STX6: variants seen among roughly 807,000 people sequenced by gnomAD.
The protein encoded by STX6 is syntaxin-6.
STX6 carries 23 observed loss-of-function variants against 38.0 expected under a neutral mutation model. That is an observed-to-expected ratio of 0.60 (90% CI 0.43 to 0.86). STX6 has a LOEUF of 0.86. STX6 is among the 40% of genes least tolerant of loss of function. The pLI is 0.00. For missense variants in STX6, 274 were observed against 312.9 expected, an observed-to-expected ratio of 0.88 and a Z score of 0.94; for synonymous variants, 123 against 107.5, an observed-to-expected ratio of 1.14 and a Z score of -0.89.
chr1:180,988,349 G>T lies in STX6; in HGVS notation c.490-4C>A. 2 of 1,611,466 alleles carry T rather than the reference G, an allele frequency of 1.2e-6. No homozygotes were observed. The highest frequency in any genetic ancestry group is 1.1e-5 in the South Asian group (1 of 91,034). On this transcript the variant is annotated splice_region_variant and splice_polypyrimidine_tract_variant and intron_variant, in intron 5 of 7. Coordinates refer to ENST00000258301, the MANE Select transcript of STX6 (RefSeq NM_005819.6). ...CATCCTGCTGTTCCACGATCAACTGGTGCCAGAGAAATGGGAAATAAGCAA... is the reference window on the plus strand; with the variant it reads ...CATCCTGCTGTTCCACGATCAACTGTTGCCAGAGAAATGGGAAATAAGCAA...
intron 1 of STX6, among the ~76,000 whole-genome samples, chr1:181,022,116 C>T (rs991197268): frequency 2.6e-5 from 4 of 151,982 alleles, no homozygotes; most frequent in African/African-American, 7.3e-5. Context: ...GCCTCCCTCC[C>T]AGCAAACGTG....
chr1:181,009,868 T>C (rs1656343258), intron 1 of STX6, among the ~76,000 whole-genome samples: 1 of 151,208 alleles, frequency 6.6e-6, no homozygotes. Flanking sequence ...GTAGTATATA[T>C]GTATAACAGA....
intron 5 of STX6, chr1:180,988,869 A>C (rs923863249): frequency 1.3e-5 from 2 of 152,448 alleles, no homozygotes; most frequent in African/African-American, 4.8e-5. Flanking sequence ...ACTGACTGAC[A>C]AATATTTACT....
chr1:181,008,370 T>C (rs988843693), intron 1 of STX6, among the ~76,000 whole-genome samples: 3 of 152,216 alleles, frequency 2.0e-5, no homozygotes, highest in Non-Finnish European at 4.4e-5. Flanking sequence ...AATATTGGCA[T>C]TGTACTTACC....
chr1:181,001,640 C>G (rs150255033), intron 3 of STX6, among the ~76,000 whole-genome samples: 394 of 152,302 alleles, frequency 2.6e-3, no homozygotes, highest in Admixed American at 4.8e-3. Flanking sequence ...GCTATCCAAA[C>G]CCACTAAGAG....
intron 3 of STX6, among the ~76,000 whole-genome samples, chr1:180,995,937 G>A (rs964274192): frequency 2.6e-5 from 4 of 152,098 alleles, no homozygotes; most frequent in African/African-American, 9.7e-5. Flanking sequence ...ATGCTTCTGG[G>A]TGCTGTTGAC....
intron 6 of STX6, among the ~76,000 whole-genome samples, chr1:180,985,542 GAC>G (rs1655550315): frequency 6.6e-6 from 1 of 152,226 alleles, no homozygotes; most frequent in East Asian, 1.9e-4. Context: ...TGGGGTGTGT[GAC>G]AGTGTGTCTG....
rs972217926 is a variant in STX6 at position 180,976,204 on chromosome 1, G to C, written c.*366C>G. The C allele has an allele frequency of 4.0e-6, 1 of 247,750 alleles. No homozygotes were observed. Among genetic ancestry groups the C allele is most frequent in the African/African-American group, 2.2e-5 (1 of 45,650 alleles). The allele number at this position is 247,750 out of a possible 1,614,324, so 15.3% of individuals were successfully genotyped here. A position where few individuals can be genotyped will look rare whatever the true frequency, so the allele number is the denominator to read the frequency against. On this transcript the variant is annotated 3_prime_UTR_variant, in exon 8 of 8. Transcript: ENST00000258301. Reference sequence around the variant, plus strand: ...GGGGAAGGGTCTGAGCAGAAGAAAAGAGCTGCCAAAGATGCATGGAATGAG... The same window carrying C: ...GGGGAAGGGTCTGAGCAGAAGAAAACAGCTGCCAAAGATGCATGGAATGAG...
At chr1:180,985,778 T>C (rs774481523) in intron 6 of STX6, among the ~76,000 whole-genome samples, 10 of 152,264 alleles carry the variant, frequency 6.6e-5, no homozygotes, top group Non-Finnish European at 1.5e-4. Flanking sequence ...GAATGTAATA[T>C]GCCAATTAGT....
chr1:180,977,411 C>T (rs1163802477), intron 7 of STX6, among the ~76,000 whole-genome samples: 1 of 152,184 alleles, frequency 6.6e-6, no homozygotes, highest in Admixed American at 6.5e-5. Flanking sequence ...CCTGTGGTCC[C>T]AACTCTACAA....
intron 1 of STX6, 69 bp from the exon 2 acceptor site, chr1:181,005,532 T>G: frequency 6.7e-7 from 1 of 1,483,390 alleles, no homozygotes; most frequent in East Asian, 2.3e-5. Context: ...CTGCATGATT[T>G]AGGTTAACAT....
At chr1:181,007,107 T>A (rs1656246355) in intron 1 of STX6, among the ~76,000 whole-genome samples, 1 of 152,212 alleles carries the variant, frequency 6.6e-6, no homozygotes, top group African/African-American at 2.4e-5. Context: ...TAATGCAAAG[T>A]AAGTCATCCT....
At chr1:180,983,975 A>C (rs1276811655) in intron 7 of STX6, among the ~76,000 whole-genome samples, 1 of 143,306 alleles carries the variant, frequency 7.0e-6, no homozygotes, top group African/African-American at 2.6e-5. Flanking sequence ...GAGGCAGGAG[A>C]ATGGCGTGAA....
At chr1:180,978,885 T>C (rs1655325684) in intron 7 of STX6, among the ~76,000 whole-genome samples, 1 of 152,204 alleles carries the variant, frequency 6.6e-6, no homozygotes, top group Admixed American at 6.5e-5. Context: ...TTACCCAGTA[T>C]ATCATGTCCA....
chr1:180,986,368 G>C (rs1655584139), intron 6 of STX6, among the ~76,000 whole-genome samples: 1 of 152,072 alleles, frequency 6.6e-6, no homozygotes, highest in Non-Finnish European at 1.5e-5. Context: ...TTATTAATAA[G>C]CTATTTTATA....
At chr1:180,991,946 A>ATTTT (rs1292327912) in intron 4 of STX6, among the ~76,000 whole-genome samples, 1 of 147,804 alleles carries the variant, frequency 6.8e-6, no homozygotes, top group Non-Finnish European at 1.5e-5. Flanking sequence ...AAATTTATAT[A>ATTTT]TATATATTTA....
At chr1:181,012,394 T>G (rs978649395) in intron 1 of STX6, among the ~76,000 whole-genome samples, 2 of 152,180 alleles carry the variant, frequency 1.3e-5, no homozygotes, top group African/African-American at 4.8e-5. Context: ...CAAGAGCCAG[T>G]GTTGGCAATT....
intron 7 of STX6, among the ~76,000 whole-genome samples, 195 bp downstream of exon 7, chr1:180,984,482 G>A (rs1257200932): frequency 6.6e-6 from 1 of 152,074 alleles, no homozygotes; most frequent in Non-Finnish European, 1.5e-5. Flanking sequence ...GGAGGCAGTG[G>A]AGGTTGCAGT....
At chr1:181,003,496 C>T (rs1384853533) in intron 2 of STX6, among the ~76,000 whole-genome samples, 1 of 152,048 alleles carries the variant, frequency 6.6e-6, no homozygotes, top group Admixed American at 6.6e-5. Context: ...GAATTATCTC[C>T]CTGTAACTGT....
Sources: gnomAD v4.1 joint callset for allele counts (sites outside exome capture counted in the v4.1 genomes callset) on GRCh38, gnomAD v4.1.1 for gene constraint, MANE v1.5 for transcripts, NCBI Gene and HGNC (gene_info 2026-07-23, HGNC 2026-07-21) for gene names.